PARD3B: variants seen among roughly 807,000 people sequenced by gnomAD.
PARD3B encodes partitioning defective 3 homolog B.
A neutral mutation model predicts 130.2 loss-of-function variants in PARD3B; 103 were observed. That is an observed-to-expected ratio of 0.79 (90% CI 0.67 to 0.93). PARD3B has a LOEUF of 0.93. Among genes scored for constraint, PARD3B ranks in the 40% least tolerant of loss-of-function variants. The probability of loss-of-function intolerance (pLI) is 0.00; values close to 1 mark genes in which losing one functional copy is unlikely to be tolerated. For synonymous variants in PARD3B, 583 were observed against 553.2 expected (o/e 1.05, Z -0.76); for missense variants, 1,609 against 1,499.2 (o/e 1.07, Z -1.21).
At chr2:205,327,258 C>T (rs891483322) in intron 18 of PARD3B, among the ~76,000 whole-genome samples, 2 of 152,120 alleles carry the variant, frequency 1.3e-5, no homozygotes, top group African/African-American at 4.8e-5. Context: ...CTCCACTGCC[C>T]CACCTTTATG....
intron 1 of PARD3B, among the ~76,000 whole-genome samples, chr2:204,618,426 A>G (rs1195116764): frequency 1.3e-5 from 2 of 152,132 alleles, no homozygotes; most frequent in Non-Finnish European, 2.9e-5. Context: ...TATAGTGATG[A>G]TTTAGGTCAA....
At chr2:205,273,477 C>A (rs914299815) in intron 16 of PARD3B, among the ~76,000 whole-genome samples, 1 of 152,162 alleles carries the variant, frequency 6.6e-6, no homozygotes, top group African/African-American at 2.4e-5. Flanking sequence ...CCTCTAATGA[C>A]CAGCTCTTCC....
chr2:205,439,363 G>A (rs57429360), intron 19 of PARD3B, among the ~76,000 whole-genome samples: 2,960 of 152,192 alleles, frequency 0.019, 96 homozygotes, highest in African/African-American at 0.067. Flanking sequence ...CTTGTACACA[G>A]TGCCCCTTCT....
chr2:204,629,947 C>G (rs1000890387), intron 1 of PARD3B, among the ~76,000 whole-genome samples: 3 of 152,112 alleles, frequency 2.0e-5, no homozygotes, highest in Admixed American at 1.3e-4. Context: ...GTATATGCAG[C>G]ATTACATAAA....
rs74921251 is a variant in PARD3B at position 204,589,475 on chromosome 2, G to A, written c.120+43356G>A. ...ACTTTCGAGCACTGGTTGACTAAAC[G>A]AAGGCAGAACTTTTATCTATTTCAC... On this transcript the variant is annotated intron_variant, in intron 1 of 22. Coordinates refer to ENST00000406610, the MANE Select transcript of PARD3B (RefSeq NM_001302769.2). 1.3e-3 allele frequency among the ~76,000 whole-genome samples: 202 copies of A among 152,312 alleles called. 4 individuals carry two copies. The East Asian group carries it at 0.035, about 26-fold the overall frequency.
At chr2:205,526,182 C>T (rs1047777204) in intron 21 of PARD3B, among the ~76,000 whole-genome samples, 12 of 152,204 alleles carry the variant, frequency 7.9e-5, no homozygotes, top group African/African-American at 2.9e-4. Context: ...TAATCTCTTT[C>T]TTCTCAGATC....
chr2:204,882,483 C>A (rs552270879), intron 2 of PARD3B, among the ~76,000 whole-genome samples: 1 of 152,244 alleles, frequency 6.6e-6, no homozygotes, highest in South Asian at 2.1e-4. Context: ...TGTCTGACTG[C>A]AAAAGCTTTA....
intron 20 of PARD3B, among the ~76,000 whole-genome samples, chr2:205,465,150 A>G (rs984562129): frequency 6.6e-6 from 1 of 152,250 alleles, no homozygotes; most frequent in African/African-American, 2.4e-5. Context: ...CTAATGTCAT[A>G]TAACTCAGAA....
intron 18 of PARD3B, among the ~76,000 whole-genome samples, chr2:205,384,054 C>A (rs1316329959): frequency 6.6e-6 from 1 of 151,972 alleles, no homozygotes; most frequent in Non-Finnish European, 1.5e-5. Flanking sequence ...CACAGTTTAC[C>A]TCACTTCATC....
At chr2:204,715,724 T>C (rs547313796) in intron 2 of PARD3B, among the ~76,000 whole-genome samples, 1 of 152,312 alleles carries the variant, frequency 6.6e-6, no homozygotes, top group East Asian at 1.9e-4. Flanking sequence ...AATTGAGGCA[T>C]CTGCTTACTG....
At chr2:205,414,932 T>A (rs1245255659) in intron 19 of PARD3B, among the ~76,000 whole-genome samples, 1 of 152,012 alleles carries the variant, frequency 6.6e-6, no homozygotes, top group Non-Finnish European at 1.5e-5. Flanking sequence ...TTTTAGTGGG[T>A]TGACTTTGTT....
At chr2:205,054,054 C>T (rs531933783) in intron 4 of PARD3B, among the ~76,000 whole-genome samples, 8 of 151,828 alleles carry the variant, frequency 5.3e-5, no homozygotes, top group South Asian at 2.1e-4. Context: ...AGCTGCCATC[C>T]GATATTTCAT....
intron 18 of PARD3B, among the ~76,000 whole-genome samples, chr2:205,370,362 G>T (rs912980540): frequency 2.0e-5 from 3 of 152,234 alleles, no homozygotes; most frequent in Non-Finnish European, 4.4e-5. Context: ...TAGGAAGGTT[G>T]TAATTGCAGA....
chr2:205,468,501 G>C (rs2048711060), intron 20 of PARD3B, among the ~76,000 whole-genome samples: 1 of 152,170 alleles, frequency 6.6e-6, no homozygotes, highest in South Asian at 2.1e-4. Context: ...TTTTCTTCAT[G>C]ACTATTGCTG....
rs141604502 is a variant in PARD3B, at chr2:204,980,228, G to A, written c.394+14905G>A. ...ATAAAGGTGTTCAACTTCATCAATCGTGACAGAAAAGCACATTAAAACCAC... is the reference window on the plus strand; with the variant it reads ...ATAAAGGTGTTCAACTTCATCAATCATGACAGAAAAGCACATTAAAACCAC... On this transcript the variant is annotated intron_variant, in intron 3 of 22. Transcript: ENST00000406610. Among the ~76,000 whole-genome samples, 66 of 152,238 alleles carry A rather than the reference G, an allele frequency of 4.3e-4. No homozygotes were observed. In the East Asian group the frequency reaches 7.3e-3, roughly 17 times the overall value.
At chr2:204,697,663 A>G (rs1481513340) in intron 2 of PARD3B, among the ~76,000 whole-genome samples, 1 of 152,116 alleles carries the variant, frequency 6.6e-6, no homozygotes, top group Non-Finnish European at 1.5e-5. Context: ...ATTGGCCTAC[A>G]TAGTCCGTTG....
chr2:205,004,204 T>C (rs1441487068), intron 3 of PARD3B, among the ~76,000 whole-genome samples: 1 of 152,198 alleles, frequency 6.6e-6, no homozygotes, highest in East Asian at 1.9e-4. Flanking sequence ...GAAGGCTCTT[T>C]GTTCTTGTCT....
At chr2:204,812,719 G>T (rs116458455) in intron 2 of PARD3B, among the ~76,000 whole-genome samples, 1 of 152,158 alleles carries the variant, frequency 6.6e-6, no homozygotes, top group Non-Finnish European at 1.5e-5. Flanking sequence ...CCTAGTGCAC[G>T]TGCTACAGCC....
At chr2:205,143,472 A>G (rs1327595878) in intron 10 of PARD3B, among the ~76,000 whole-genome samples, 3 of 152,206 alleles carry the variant, frequency 2.0e-5, no homozygotes, top group Non-Finnish European at 2.9e-5. Context: ...CTCAACCTAC[A>G]TCCAGCAAAA....
Sources: allele counts gnomAD v4.1 joint callset (sites outside exome capture counted in the v4.1 genomes callset), GRCh38; gene constraint gnomAD v4.1.1; transcripts MANE v1.5; gene names NCBI Gene and HGNC (gene_info 2026-07-23, HGNC 2026-07-21).